The following APBA1 variants were observed in gnomAD, a reference collection of about 807,000 sequenced individuals.
APBA1 encodes the protein amyloid-beta A4 precursor protein-binding family A member 1.
APBA1 carries 55 observed loss-of-function variants against 86.6 expected under a neutral mutation model. That is an observed-to-expected ratio of 0.64 (90% CI 0.51 to 0.80). The LOEUF is 0.80. APBA1 is among the 30% of genes least tolerant of loss of function. The pLI, the probability that APBA1 is intolerant of heterozygous loss-of-function variation, is 0.00. For missense variants in APBA1, 1,090 were observed against 1,183.0 expected (o/e 0.92, Z 1.15); for synonymous variants, 511 against 493.9 (o/e 1.03, Z -0.46).
At chr9:69,669,593 T>C (rs769252905) in intron 1 of APBA1, among the ~76,000 whole-genome samples, 12 of 152,098 alleles carry the variant, frequency 7.9e-5, no homozygotes, top group African/African-American at 1.2e-4. Context: ...CTGGGCAGCA[T>C]AGCGAGACTC....
intron 1 of APBA1, among the ~76,000 whole-genome samples, chr9:69,641,876 C>T (rs989599561): frequency 1.6e-4 from 25 of 152,148 alleles, no homozygotes; most frequent in African/African-American, 5.3e-4. Context: ...CAGAGTCTCT[C>T]GCTCTGTCAT....
At position 69,430,606 on chromosome 9, in the gene APBA1, T is replaced by C. The variant is rs1834573247; in HGVS notation, c.*721A>G. On this transcript the variant is annotated 3_prime_UTR_variant, in exon 13 of 13. Transcript: ENST00000265381. ...GTACCTGCCTGTGTTTATCTAATGGTTGATAACTTGAGGACAACCTGGTAA... is the reference window on the plus strand; with the variant it reads ...GTACCTGCCTGTGTTTATCTAATGGCTGATAACTTGAGGACAACCTGGTAA... 1 of 152,402 alleles carries C rather than the reference T, an allele frequency of 6.6e-6. No homozygotes were observed. Among genetic ancestry groups the C allele is most frequent in the Non-Finnish European group, 1.5e-5 (1 of 68,114 alleles). The allele number at this position is 152,402 out of a possible 1,614,324, so 9.4% of individuals were successfully genotyped here.
chr9:69,521,093 C>T (rs1261702455), intron 1 of APBA1, among the ~76,000 whole-genome samples: 2 of 152,166 alleles, frequency 1.3e-5, no homozygotes, highest in East Asian at 3.9e-4. Flanking sequence ...AGAGTACTGC[C>T]ATTATCAGCT....
At chr9:69,511,722 A>T (rs997916177) in intron 2 of APBA1, among the ~76,000 whole-genome samples, 1 of 151,674 alleles carries the variant, frequency 6.6e-6, no homozygotes, top group Non-Finnish European at 1.5e-5. Context: ...GCACATATAC[A>T]CCATGGAATA....
At chr9:69,456,515 A>G (rs564013390) in intron 7 of APBA1, 83 bp from the exon 8 acceptor site, 9 of 1,415,936 alleles carry the variant, frequency 6.4e-6, no homozygotes, top group Non-Finnish European at 8.6e-6. Flanking sequence ...CAGCCAGTCA[A>G]GTATGGTTCG....
At chr9:69,529,921 G>A (rs1376310662) in intron 1 of APBA1, among the ~76,000 whole-genome samples, 2 of 151,920 alleles carry the variant, frequency 1.3e-5, no homozygotes, top group Non-Finnish European at 2.9e-5. Flanking sequence ...AGTACAAGTG[G>A]CCAAGAAACA....
At chr9:69,432,412 A>G in intron 12 of APBA1, 124 bp downstream of exon 12, 1 of 921,576 alleles carries the variant, frequency 1.1e-6, no homozygotes. Context: ...CTTGTTGGGG[A>G]GTGTTCAGGA....
At chr9:69,562,105 A>G (rs565645744) in intron 1 of APBA1, among the ~76,000 whole-genome samples, 2 of 152,128 alleles carry the variant, frequency 1.3e-5, no homozygotes, top group Non-Finnish European at 2.9e-5. Flanking sequence ...AGGCCTAATA[A>G]TATTTTCCAT....
chr9:69,644,890 GTGAT>G (rs1823359891), intron 1 of APBA1, among the ~76,000 whole-genome samples: 1 of 152,188 alleles, frequency 6.6e-6, no homozygotes, highest in Non-Finnish European at 1.5e-5. Context: ...ATAGTGACCT[GTGAT>G]TATTCAGGGT....
chr9:69,631,361 A>G (rs942822188), intron 1 of APBA1, among the ~76,000 whole-genome samples: 1 of 152,200 alleles, frequency 6.6e-6, no homozygotes, highest in Non-Finnish European at 1.5e-5. Context: ...ATGAGATACC[A>G]TCTCACACCA....
chr9:69,572,778 T>C (rs983015031), intron 1 of APBA1, among the ~76,000 whole-genome samples: 2 of 152,198 alleles, frequency 1.3e-5, no homozygotes, highest in Non-Finnish European at 2.9e-5. Context: ...TGAATGCTTA[T>C]TTACCACAGG....
At position 69,430,368 on chromosome 9, in the gene APBA1, C is replaced by T. The variant is rs1834567890; in HGVS notation, c.*959G>A. On this transcript the variant is annotated 3_prime_UTR_variant, in exon 13 of 13. Transcript: ENST00000265381. Reference sequence around the variant, plus strand: ...AAGTGGTGCTGGAGGGGCTGGGCCTCAGCGCAGAGAGGGCAGGTCTCTCAG... The same window carrying T: ...AAGTGGTGCTGGAGGGGCTGGGCCTTAGCGCAGAGAGGGCAGGTCTCTCAG... The T allele has an allele frequency of 6.6e-6, 1 of 152,250 alleles. No individual in the cohort carries two copies. The highest frequency in any genetic ancestry group is 2.4e-5 in the African/African-American group (1 of 41,454). The allele number at this position is 152,250 out of a possible 1,614,324, so 9.4% of individuals were successfully genotyped here.
In APBA1 at chr9:69,449,656, A is replaced by C; in HGVS notation, c.2109T>G (p.Gly703=). The C allele has an allele frequency of 6.2e-7, 1 of 1,614,020 alleles. No individual in the cohort carries two copies. Among genetic ancestry groups the C allele is most frequent in the Non-Finnish European group, 8.5e-7 (1 of 1,180,016 alleles). The change falls in exon 10 of 13, where the codon GGT becomes GGG. Residue 703 remains glycine, a synonymous_variant. Transcript: ENST00000265381. The part of the protein sequence containing the change: ...PAEKSGKLNI[G]DQIMSINGTS... The stretch of plus-strand genomic sequence containing the variant: ...TGCCATTAATGGACATGATCTGGTC[A>C]CCGATATTCAGCTTCCCAGATTTCT...
chr9:69,466,152 G>C (rs1835275876), intron 5 of APBA1, among the ~76,000 whole-genome samples: 1 of 152,158 alleles, frequency 6.6e-6, no homozygotes. Context: ...TCCAAGTACA[G>C]AGAGGTGGTC....
At chr9:69,475,461 G>A (rs180709495) in intron 3 of APBA1, among the ~76,000 whole-genome samples, 246 of 152,314 alleles carry the variant, frequency 1.6e-3, no homozygotes, top group African/African-American at 5.1e-3. Context: ...GTTCTCGCAG[G>A]CGGCACTGCA....
chr9:69,542,512 A>G (rs989515466), intron 1 of APBA1, among the ~76,000 whole-genome samples: 2 of 152,196 alleles, frequency 1.3e-5, no homozygotes, highest in African/African-American at 4.8e-5. Context: ...CAGTTTATTT[A>G]TCCATTCACC....
chr9:69,530,329 TACAC>T lies in APBA1; in HGVS notation c.-69-13054_-69-13051del, dbSNP rs1215038586. Among the ~76,000 whole-genome samples, 869 of 127,522 alleles carry T rather than the reference TACAC, an allele frequency of 6.8e-3. 7 individuals are homozygous for T. Among genetic ancestry groups the T allele is most frequent in the African/African-American group, 0.022 (745 of 34,174 alleles). 83.7% of individuals were successfully genotyped at this position (127,522 alleles called of 152,430 possible). ...GTGTATATATATATATATATATATATACACACACACACACACACACACACACACA... is the reference window on the plus strand; with the variant it reads ...GTGTATATATATATATATATATATATACACACACACACACACACACACACA... On this transcript the variant is annotated intron_variant, in intron 1 of 12. Transcript: ENST00000265381.
At chr9:69,536,777 G>A (rs2133913049) in intron 1 of APBA1, among the ~76,000 whole-genome samples, 1 of 150,408 alleles carries the variant, frequency 6.6e-6, no homozygotes, top group Middle Eastern at 3.5e-3. Context: ...TTATTCAGGA[G>A]GCTGAGGCAG....
At chr9:69,645,281 T>C (rs139525451) in intron 1 of APBA1, among the ~76,000 whole-genome samples, 24 of 152,348 alleles carry the variant, frequency 1.6e-4, no homozygotes, top group Admixed American at 5.9e-4. Flanking sequence ...GCTGTAACTT[T>C]GTCCAAGCCA....
Sources: gnomAD v4.1 joint callset for allele counts (sites outside exome capture counted in the v4.1 genomes callset) on GRCh38, gnomAD v4.1.1 for gene constraint, MANE v1.5 for transcripts, NCBI Gene and HGNC (gene_info 2026-07-23, HGNC 2026-07-21) for gene names.